Variants in CDC73 observed in about 807,000 individuals in gnomAD.
CDC73 encodes the protein cell division cycle 73, also known as parafibromin.
Under a neutral mutation model 83.7 loss-of-function variants are expected in CDC73, and 21 were observed. That is an observed-to-expected ratio of 0.25 (90% CI 0.18 to 0.36). CDC73 has a LOEUF of 0.36. CDC73 is among the 10% of genes least tolerant of loss of function. CDC73 has a pLI of 1.00. For synonymous variants in CDC73, 224 were observed against 212.9 expected (o/e 1.05, Z -0.45); for missense variants, 342 against 653.3 (o/e 0.52, Z 5.19).
chr1:193,157,692 A>G (rs1380435795), intron 10 of CDC73, among the ~76,000 whole-genome samples: 6 of 152,146 alleles, frequency 3.9e-5, no homozygotes, highest in Non-Finnish European at 8.8e-5. Context: ...TGCTACATCT[A>G]TAGACTGTTT....
At chr1:193,201,216 G>A (rs1370350588) in intron 10 of CDC73, among the ~76,000 whole-genome samples, 1 of 152,098 alleles carries the variant, frequency 6.6e-6, no homozygotes, top group Non-Finnish European at 1.5e-5. Flanking sequence ...CAACAGACAG[G>A]ACTTTGATTC....
chr1:193,218,015 A>C lies in CDC73; in HGVS notation c.1154+5538A>C, dbSNP rs151006487. ...ATACCTAGAAAACCCCATAGTCTCT[A>C]CCTAAAGATTCCTAGCACTGATAAA... is the stretch of plus-strand genomic sequence containing the variant. On this transcript the variant is annotated intron_variant, in intron 13 of 16. Transcript: ENST00000367435. 1.6e-3 allele frequency among the ~76,000 whole-genome samples: 240 copies of C among 152,342 alleles called. 1 individual carries two copies. The highest frequency in any genetic ancestry group is 5.2e-3 in the African/African-American group (217 of 41,570).
At chr1:193,225,156 A>G (rs566483467) in intron 13 of CDC73, among the ~76,000 whole-genome samples, 1 of 151,494 alleles carries the variant, frequency 6.6e-6, no homozygotes, top group East Asian at 1.9e-4. Flanking sequence ...TTCCTGAGTT[A>G]CTTCACTTAG....
At chr1:193,172,360 G>C (rs1317640334) in intron 10 of CDC73, among the ~76,000 whole-genome samples, 1 of 151,452 alleles carries the variant, frequency 6.6e-6, no homozygotes, top group African/African-American at 2.4e-5. Context: ...TTGATTTGCA[G>C]TGGAAAGATA....
At chr1:193,188,435 A>G (rs557183543) in intron 10 of CDC73, among the ~76,000 whole-genome samples, 1 of 152,022 alleles carries the variant, frequency 6.6e-6, no homozygotes, top group East Asian at 1.9e-4. Context: ...CTGCTAGAGA[A>G]ATTGTGGGAT....
At position 193,250,940 on chromosome 1, in the gene CDC73, G is replaced by T; in HGVS notation, c.*228G>T. 1 of 513,942 alleles carries T rather than the reference G, an allele frequency of 1.9e-6. No homozygotes were observed. Among genetic ancestry groups the T allele is most frequent in the Non-Finnish European group, 3.5e-6 (1 of 287,444 alleles). The allele number at this position is 513,942 out of a possible 1,614,324, so 31.8% of individuals were successfully genotyped here. A position where few individuals can be genotyped will look rare whatever the true frequency, so the allele number is the denominator to read the frequency against. On this transcript the variant is annotated 3_prime_UTR_variant, in exon 17 of 17. Transcript: ENST00000367435. Reference sequence around the variant, plus strand: ...ATGGAAATTGTATATTTTGATAGAAGTTTTTTCTCCATTGGTTAAATTAGC... The same window carrying T: ...ATGGAAATTGTATATTTTGATAGAATTTTTTTCTCCATTGGTTAAATTAGC...
intron 15 of CDC73, 74 bp downstream of exon 15, chr1:193,236,430 G>C: frequency 1.1e-6 from 1 of 940,888 alleles, no homozygotes; most frequent in South Asian, 1.3e-5. Context: ...CAGTCATATA[G>C]TTCTGCGCAT....
intron 11 of CDC73, among the ~76,000 whole-genome samples, chr1:193,204,412 C>T (rs910595859): frequency 6.6e-6 from 1 of 151,486 alleles, no homozygotes; most frequent in Non-Finnish European, 1.5e-5. Flanking sequence ...GCCTCAGCCT[C>T]CCAAGTAGCT....
Position 193,205,074 on chromosome 1 carries a change from A to ACC in CDC73, c.1030+1222_1030+1223insCC, listed in dbSNP as rs1347393195. 5.5e-4 allele frequency among the ~76,000 whole-genome samples: 83 copies of ACC among 151,908 alleles called. 1 individual carries two copies. Reference sequence around the variant, plus strand: ...AGTAACTAAAAAGACTGATTTTTATAGATCATTTAGATACCAACCCTGTAT... The same window carrying ACC: ...AGTAACTAAAAAGACTGATTTTTATACCGATCATTTAGATACCAACCCTGTAT... On this transcript the variant is annotated intron_variant, in intron 11 of 16. Transcript: ENST00000367435.
chr1:193,132,192 T>C (rs1206524439), intron 3 of CDC73, among the ~76,000 whole-genome samples: 1 of 152,250 alleles, frequency 6.6e-6, no homozygotes, highest in Admixed American at 6.5e-5. Context: ...TGCATGGCTT[T>C]AAGCAGTAAG....
At chr1:193,203,594 CTT>C (rs1204392280) in intron 10 of CDC73, among the ~76,000 whole-genome samples, 199 bp from the exon 11 acceptor site, 1 of 152,092 alleles carries the variant, frequency 6.6e-6, no homozygotes, top group East Asian at 1.9e-4. Context: ...GATCTCATGA[CTT>C]AATAGCATAA....
At chr1:193,227,287 C>T (rs1677582326) in intron 13 of CDC73, among the ~76,000 whole-genome samples, 1 of 151,914 alleles carries the variant, frequency 6.6e-6, no homozygotes, top group East Asian at 1.9e-4. Context: ...TGTAAAGCAG[C>T]ACACTGGTTG....
In CDC73 at chr1:193,234,175, T is replaced by A. The variant is rs759663662; in HGVS notation, c.1316+1021T>A. Among the ~76,000 whole-genome samples the A allele has an allele frequency of 1.4e-3, 141 of 101,392 alleles. 1 individual carries two copies. Among genetic ancestry groups the A allele is most frequent in the Middle Eastern group, 4.7e-3 (1 of 214 alleles). 66.5% of individuals were successfully genotyped at this position (101,392 alleles called of 152,430 possible). A position where few individuals can be genotyped will look rare whatever the true frequency, so the allele number is the denominator to read the frequency against. Reference sequence around the variant, plus strand: ...TTCTCTCTCTCTCTCTCTCTCTCTCTCACACACACACACACACACACACAC... The same window carrying A: ...TTCTCTCTCTCTCTCTCTCTCTCTCACACACACACACACACACACACACAC... On this transcript the variant is annotated intron_variant, in intron 14 of 16. Coordinates refer to ENST00000367435, the MANE Select transcript of CDC73 (RefSeq NM_024529.5).
At position 193,122,198 on chromosome 1, in the gene CDC73, A is replaced by T; in HGVS notation, c.-3A>T. ...CGAGCCGGCGGAGGCGAGGGGGGGG[A>T]AGATGGCGGACGTGCTTAGCGTCCT... On this transcript the variant is annotated 5_prime_UTR_variant, in exon 1 of 17. Coordinates refer to ENST00000367435, the MANE Select transcript of CDC73 (RefSeq NM_024529.5). The T allele has an allele frequency of 6.2e-7, 1 of 1,610,836 alleles. No individual in the cohort carries two copies. Among genetic ancestry groups the T allele is most frequent in the Non-Finnish European group, 8.5e-7 (1 of 1,178,574 alleles).
intron 3 of CDC73, 32 bp from the exon 4 acceptor site, chr1:193,135,359 T>C (rs1295022500): frequency 1.9e-6 from 3 of 1,546,458 alleles, no homozygotes; most frequent in Admixed American, 1.7e-5. Flanking sequence ...GTTGAAATAG[T>C]AATCCTTACG....
chr1:193,240,296 C>G (rs182622717), intron 15 of CDC73, among the ~76,000 whole-genome samples: 1 of 152,270 alleles, frequency 6.6e-6, no homozygotes. Context: ...CAGATCTTGA[C>G]TGTTGTGAAT....
At chr1:193,154,193 G>A (rs1205722200) in intron 10 of CDC73, among the ~76,000 whole-genome samples, 3 of 152,158 alleles carry the variant, frequency 2.0e-5, no homozygotes, top group South Asian at 2.1e-4. Context: ...TGAATTAGTC[G>A]TAGAATGAAG....
intron 11 of CDC73, among the ~76,000 whole-genome samples, chr1:193,208,537 A>T (rs1275878022): frequency 6.6e-6 from 1 of 152,214 alleles, no homozygotes; most frequent in Non-Finnish European, 1.5e-5. Flanking sequence ...TAATAGTCCT[A>T]ACTGAGCTTT....
rs953383673 is a variant in CDC73, at chr1:193,155,362, A to G, written c.972+2918A>G. Reference sequence around the variant, plus strand: ...GGTTAACTTTTGACTTAGGCCATGAAATACGTTTCACAGTAAAGATTCCAG... The same window carrying G: ...GGTTAACTTTTGACTTAGGCCATGAGATACGTTTCACAGTAAAGATTCCAG... On this transcript the variant is annotated intron_variant, in intron 10 of 16. Transcript: ENST00000367435. Among the ~76,000 whole-genome samples, 14 of 152,356 alleles carry G rather than the reference A, an allele frequency of 9.2e-5. No individual in the cohort carries two copies. In the East Asian group the frequency reaches 2.3e-3, roughly 25 times the overall value.
Sources: gnomAD v4.1 joint callset for allele counts (sites outside exome capture counted in the v4.1 genomes callset) on GRCh38, gnomAD v4.1.1 for gene constraint, MANE v1.5 for transcripts, NCBI Gene and HGNC (gene_info 2026-07-23, HGNC 2026-07-21) for gene names.